The following KCTD8 variants were observed in gnomAD, a reference collection of about 807,000 sequenced individuals.
KCTD8 encodes potassium channel tetramerization domain containing 8.
In KCTD8, 27 loss-of-function variants were observed where a neutral mutation model predicts 31.5. That is an observed-to-expected ratio of 0.86 (90% CI 0.63 to 1.18). The LOEUF (loss-of-function observed/expected upper bound fraction) is 1.18. KCTD8 is among the 50% of genes most tolerant of loss of function. The pLI, the probability that KCTD8 is intolerant of heterozygous loss-of-function variation, is 0.00. For missense variants in KCTD8, 658 were observed against 647.7 expected (o/e 1.02, Z -0.17); for synonymous variants, 290 against 280.0 (o/e 1.04, Z -0.36).
At position 44,323,570 on chromosome 4, in the gene KCTD8, C is replaced by T. The variant is rs1180626917; in HGVS notation, c.961+123993G>A. Among the ~76,000 whole-genome samples, 3 of 141,494 alleles carry T rather than the reference C, an allele frequency of 2.1e-5. No homozygotes were observed. In the East Asian group the frequency reaches 6.5e-4, roughly 31 times the overall value. The allele number at this position is 141,494 out of a possible 152,430, so 92.8% of individuals were successfully genotyped here. A position where few individuals can be genotyped will look rare whatever the true frequency, so the allele number is the denominator to read the frequency against. On this transcript the variant is annotated intron_variant, in intron 1 of 1. Transcript: ENST00000360029. The stretch of plus-strand genomic sequence containing the variant: ...GGTAAATAGTTCAGGAAACGTATGA[C>T]AAGTCTACAACTCACCACTTGCCCT...
intron 1 of KCTD8, among the ~76,000 whole-genome samples, chr4:44,403,176 C>T (rs771199267): frequency 1.0e-4 from 15 of 149,414 alleles, no homozygotes; most frequent in African/African-American, 2.2e-4. Flanking sequence ...TGCATTTTTG[C>T]GGGGAGTGGA....
chr4:44,402,907 G>C (rs902905475), intron 1 of KCTD8, among the ~76,000 whole-genome samples: 1 of 152,106 alleles, frequency 6.6e-6, no homozygotes, highest in Non-Finnish European at 1.5e-5. Context: ...ACACAACTTA[G>C]CCTTGTAACA....
intron 1 of KCTD8, among the ~76,000 whole-genome samples, chr4:44,410,947 T>A (rs916501836): frequency 6.6e-6 from 1 of 152,132 alleles, no homozygotes; most frequent in Admixed American, 6.6e-5. Context: ...AAGTATTACA[T>A]AATAAAATGT....
chr4:44,309,939 A>G (rs1215654193), intron 1 of KCTD8, among the ~76,000 whole-genome samples: 2 of 152,124 alleles, frequency 1.3e-5, no homozygotes, highest in Admixed American at 6.5e-5. Flanking sequence ...GCAGTATCAA[A>G]TTTTTGAAGG....
chr4:44,409,619 A>T (rs1720902331), intron 1 of KCTD8, among the ~76,000 whole-genome samples: 1 of 152,174 alleles, frequency 6.6e-6, no homozygotes, highest in Admixed American at 6.6e-5. Context: ...GGAACGTACT[A>T]CAGAACATTT....
In KCTD8 at chr4:44,448,509, G is replaced by A; in HGVS notation, c.15C>T (p.Asp5=). Residue 5 remains aspartate, a synonymous_variant, in exon 1 of 2, where the codon GAC becomes GAT. Transcript: ENST00000360029. The surrounding 1 kb of genome is among the most constrained non-coding windows in gnomAD (Gnocchi z 4.1). MALK[D]TGSGGSTILP... Reference sequence around the variant, plus strand: ...GGATGGTGCTGCCGCCGCTGCCCGTGTCCTTCAGAGCCATAGTCCCCCCGC... The same window carrying A: ...GGATGGTGCTGCCGCCGCTGCCCGTATCCTTCAGAGCCATAGTCCCCCCGC... 1 of 1,489,182 alleles carries A rather than the reference G, an allele frequency of 6.7e-7. No individual in the cohort carries two copies. Among genetic ancestry groups the A allele is most frequent in the Non-Finnish European group, 8.9e-7 (1 of 1,124,216 alleles). 92.2% of individuals were successfully genotyped at this position (1,489,182 alleles called of 1,614,324 possible).
intron 1 of KCTD8, among the ~76,000 whole-genome samples, chr4:44,267,137 C>G (rs964670900): frequency 1.1e-4 from 16 of 152,024 alleles, no homozygotes; most frequent in Non-Finnish European, 1.5e-4. Flanking sequence ...TGACCACATA[C>G]TTGGAAGTAA....
intron 1 of KCTD8, among the ~76,000 whole-genome samples, chr4:44,280,608 C>T (rs565944376): frequency 9.7e-4 from 148 of 152,168 alleles, no homozygotes; most frequent in Non-Finnish European, 1.5e-3. Context: ...ACTATCACAG[C>T]GAATCAAATT....
intron 1 of KCTD8, among the ~76,000 whole-genome samples, chr4:44,218,653 A>G (rs1322511466): frequency 5.3e-5 from 8 of 151,220 alleles, no homozygotes; most frequent in Non-Finnish European, 8.8e-5. Flanking sequence ...AAAAAAATTA[A>G]AAATGTGGCG....
At chr4:44,278,969 T>C (rs2109377440) in intron 1 of KCTD8, among the ~76,000 whole-genome samples, 1 of 152,214 alleles carries the variant, frequency 6.6e-6, no homozygotes, top group Middle Eastern at 3.4e-3. Context: ...GCTTTTCTCT[T>C]ACGGTCTGTT....
At chr4:44,319,629 G>C (rs953575589) in intron 1 of KCTD8, among the ~76,000 whole-genome samples, 3 of 152,060 alleles carry the variant, frequency 2.0e-5, no homozygotes, top group African/African-American at 7.2e-5. Flanking sequence ...CTCACATCAA[G>C]TTGAAGAATT....
chr4:44,381,014 A>G (rs1200582771), intron 1 of KCTD8, among the ~76,000 whole-genome samples: 3 of 152,046 alleles, frequency 2.0e-5, no homozygotes, highest in Admixed American at 6.6e-5. Context: ...AAAAGAATAT[A>G]ATGTCTACCT....
At chr4:44,253,847 A>G (rs1321326041) in intron 1 of KCTD8, among the ~76,000 whole-genome samples, 1 of 151,932 alleles carries the variant, frequency 6.6e-6, no homozygotes, top group Non-Finnish European at 1.5e-5. Context: ...CATAGCAATA[A>G]GTAGCTAAAA....
At chr4:44,206,367 C>T (rs1388707041) in intron 1 of KCTD8, among the ~76,000 whole-genome samples, 1 of 152,126 alleles carries the variant, frequency 6.6e-6, no homozygotes, top group African/African-American at 2.4e-5. Flanking sequence ...CAGGAAAGGG[C>T]TTGATATCTA....
At chr4:44,343,506 T>C (rs946372390) in intron 1 of KCTD8, among the ~76,000 whole-genome samples, 7 of 152,192 alleles carry the variant, frequency 4.6e-5, no homozygotes, top group Non-Finnish European at 1.0e-4. Context: ...ATAACCAAAA[T>C]GTGACTCAGA....
chr4:44,371,878 T>C (rs183119167), intron 1 of KCTD8, among the ~76,000 whole-genome samples: 5 of 152,164 alleles, frequency 3.3e-5, no homozygotes, highest in African/African-American at 1.2e-4. Flanking sequence ...TTCTGTCCAG[T>C]TTTTAAATTT....
At chr4:44,227,482 T>C (rs1208710816) in intron 1 of KCTD8, among the ~76,000 whole-genome samples, 7 of 152,190 alleles carry the variant, frequency 4.6e-5, no homozygotes. Flanking sequence ...ATCTTTCTTT[T>C]AGTCCTCAAC....
At chr4:44,223,000 T>C (rs1486166666) in intron 1 of KCTD8, among the ~76,000 whole-genome samples, 1 of 152,154 alleles carries the variant, frequency 6.6e-6, no homozygotes, top group East Asian at 1.9e-4. Context: ...AATCATTGAA[T>C]AGTGCTAACC....
At position 44,235,528 on chromosome 4, in the gene KCTD8, TATATATATATATATATATATA is replaced by T. The variant is rs1560402003; in HGVS notation, c.962-60299_962-60279del. Among the ~76,000 whole-genome samples, 50 of 9,374 alleles carry T rather than the reference TATATATATATATATATATATA, an allele frequency of 5.3e-3. 1 individual carries two copies. Among genetic ancestry groups the T allele is most frequent in the African/African-American group, 0.02 (47 of 2,332 alleles). The allele number at this position is 9,374 out of a possible 152,430, so 6.1% of individuals were successfully genotyped here. On this transcript the variant is annotated intron_variant, in intron 1 of 1. Coordinates refer to ENST00000360029, the MANE Select transcript of KCTD8 (RefSeq NM_198353.3). Reference sequence around the variant, plus strand: ...ATACAGAAAGAGAGACACTGGATTATATATATATATATATATATATATATATATATATATATATATATATAT... The same window carrying T: ...ATACAGAAAGAGAGACACTGGATTATTATATATATATATATATATATATAT...
Sources: allele counts gnomAD v4.1 joint callset (sites outside exome capture counted in the v4.1 genomes callset), GRCh38; gene constraint gnomAD v4.1.1; non-coding constraint Gnocchi (gnomAD v3.1); transcripts MANE v1.5; gene names NCBI Gene and HGNC (gene_info 2026-07-23, HGNC 2026-07-21).